KIF5C: variants seen among roughly 807,000 people sequenced by gnomAD.
The protein encoded by KIF5C is kinesin family member 5C, also known as kinesin heavy chain isoform 5C.
In KIF5C, 18 loss-of-function variants were observed where a neutral mutation model predicts 125.2. The observed-to-expected ratio is 0.14, with a 90% CI of 0.10 to 0.21. The LOEUF is 0.21. KIF5C is among the 10% of genes least tolerant of loss of function. KIF5C has a pLI of 1.00. For synonymous variants in KIF5C, 405 were observed against 434.0 expected (o/e 0.93, Z 0.83); for missense variants, 780 against 1,183.8 (o/e 0.66, Z 5.01).
chr2:148,878,488 A>G (rs1040272381), intron 1 of KIF5C: 1 of 152,222 alleles, frequency 6.6e-6, no homozygotes, highest in African/African-American at 2.4e-5. Context: ...TGGGGCTAAT[A>G]TGGCTAGTGC....
At chr2:148,971,278 G>GTCTC (rs1680894850) in intron 11 of KIF5C, among the ~76,000 whole-genome samples, 1 of 138,026 alleles carries the variant, frequency 7.2e-6, no homozygotes, top group Non-Finnish European at 1.6e-5. Flanking sequence ...CTGTCTGTCT[G>GTCTC]TCTGTCTGTC....
intron 17 of KIF5C, among the ~76,000 whole-genome samples, chr2:148,996,099 G>A (rs1031497429): frequency 2.0e-4 from 31 of 152,198 alleles, no homozygotes; most frequent in African/African-American, 7.2e-4. Context: ...AGGTTGTAAT[G>A]AGCCGATATC....
chr2:148,949,221 C>G (rs1682598058), intron 8 of KIF5C, among the ~76,000 whole-genome samples: 1 of 152,202 alleles, frequency 6.6e-6, no homozygotes, highest in Non-Finnish European at 1.5e-5. Flanking sequence ...CATGGTCCCT[C>G]TGGCTGCAGA....
Position 148,980,675 on chromosome 2 carries a change from CTTATTTATTTATTTAT to C in KIF5C, c.1363-650_1363-635del, listed in dbSNP as rs5835290. 1.1e-3 allele frequency among the ~76,000 whole-genome samples: 154 copies of C among 144,684 alleles called. 1 individual carries two copies. Among genetic ancestry groups the C allele is most frequent in the South Asian group, 4.9e-3 (22 of 4,490 alleles). The allele number at this position is 144,684 out of a possible 152,430, so 94.9% of individuals were successfully genotyped here. A position where few individuals can be genotyped will look rare whatever the true frequency, so the allele number is the denominator to read the frequency against. Reference sequence around the variant, plus strand: ...TTGGAAACGACTCTCAGATCCTTTGCTTATTTATTTATTTATTTATTTATTTATTTATTTATTTATT... The same window carrying C: ...TTGGAAACGACTCTCAGATCCTTTGCTTATTTATTTATTTATTTATTTATT... On this transcript the variant is annotated intron_variant, in intron 13 of 25. Coordinates refer to ENST00000435030, the MANE Select transcript of KIF5C (RefSeq NM_004522.3).
At chr2:148,949,763 C>A in intron 8 of KIF5C, 76 bp from the exon 9 acceptor site, 1 of 1,538,100 alleles carries the variant, frequency 6.5e-7, no homozygotes, top group Non-Finnish European at 8.8e-7. Flanking sequence ...CCCCTTTGCC[C>A]TCGTGTGAAT....
chr2:148,971,282 GTCTGTCTGTCTATCTATCTA>G (rs1323699416), intron 11 of KIF5C, among the ~76,000 whole-genome samples: 3 of 140,536 alleles, frequency 2.1e-5, no homozygotes, highest in African/African-American at 7.8e-5. Flanking sequence ...CTGTCTGTCT[GTCTGTCTGTCTATCTATCTA>G]TCTATCTATC....
chr2:148,914,994 T>C (rs550503578), intron 1 of KIF5C, among the ~76,000 whole-genome samples: 2 of 152,350 alleles, frequency 1.3e-5, no homozygotes, highest in South Asian at 4.1e-4. Flanking sequence ...TGGTGGTCAT[T>C]GCCAGGTATG....
chr2:148,896,256 C>A (rs558302502), intron 1 of KIF5C, among the ~76,000 whole-genome samples: 31 of 152,240 alleles, frequency 2.0e-4, no homozygotes, highest in Admixed American at 1.1e-3. Flanking sequence ...GCGAGCCCTC[C>A]TAGAGAGTGG....
intron 12 of KIF5C, among the ~76,000 whole-genome samples, chr2:148,976,038 C>A (rs919777320): frequency 1.3e-5 from 2 of 152,172 alleles, no homozygotes; most frequent in Non-Finnish European, 2.9e-5. Flanking sequence ...GCTGGCACTC[C>A]TTGTCTCTTA....
At chr2:148,917,136 T>A (rs527466231) in intron 1 of KIF5C, among the ~76,000 whole-genome samples, 35 of 152,352 alleles carry the variant, frequency 2.3e-4, no homozygotes, top group Non-Finnish European at 3.5e-4. Context: ...CTGCTTTTTT[T>A]AATTTTTTAT....
intron 7 of KIF5C, among the ~76,000 whole-genome samples, chr2:148,944,175 T>C (rs1028109198): frequency 6.6e-6 from 1 of 152,204 alleles, no homozygotes; most frequent in Non-Finnish European, 1.5e-5. Context: ...TAAAATATAC[T>C]TAATATGAAA....
chr2:148,907,227 C>T (rs921498372), intron 1 of KIF5C, among the ~76,000 whole-genome samples: 1 of 151,158 alleles, frequency 6.6e-6, no homozygotes, highest in Non-Finnish European at 1.5e-5. Flanking sequence ...AGAGAGCAGT[C>T]CCCTGACAGT....
intron 1 of KIF5C, among the ~76,000 whole-genome samples, chr2:148,910,688 T>C (rs887413937): frequency 1.3e-5 from 2 of 152,156 alleles, no homozygotes; most frequent in Admixed American, 6.5e-5. Flanking sequence ...ACTAGGGGGA[T>C]CATATACCAT....
chr2:148,987,177 C>G (rs973019202), intron 15 of KIF5C, among the ~76,000 whole-genome samples: 3 of 152,130 alleles, frequency 2.0e-5, no homozygotes, highest in African/African-American at 7.2e-5. Context: ...TAAACTTATT[C>G]AACAGGTTAC....
chr2:148,983,774 A>G lies in KIF5C; in HGVS notation c.1716+8A>G, dbSNP rs1225256851. ...ACCAATGATGTGAAAACTGTAAGCC[A>G]GCCCTTCTTTTATCCTCTCTACCTG... On this transcript the variant is annotated splice_region_variant and intron_variant, in intron 15 of 25. Transcript: ENST00000435030. 6.3e-7 allele frequency: 1 copy of G among 1,593,626 alleles called. No homozygotes were observed.
intron 2 of KIF5C, 36 bp downstream of exon 2, chr2:148,922,263 C>T: frequency 1.4e-6 from 2 of 1,390,348 alleles, no homozygotes; most frequent in South Asian, 2.4e-5. Context: ...CTGGGCCATT[C>T]AGAGTAATTG....
chr2:148,981,415 A>C lies in KIF5C; in HGVS notation c.1423A>C (p.Ile475Leu). The C allele has an allele frequency of 6.2e-7, 1 of 1,611,112 alleles. No homozygotes were observed. Among genetic ancestry groups the C allele is most frequent in the Non-Finnish European group, 8.5e-7 (1 of 1,178,744 alleles). Residue 475 changes from isoleucine to leucine, a missense_variant, in exon 14 of 26, where the codon ATT (isoleucine) becomes CTT (leucine). Ile to Leu is a conservative substitution (Grantham distance 5). This residue lies in a region of KIF5C where 573 missense variants were observed against 742.6 expected (regional missense o/e 0.77). Coordinates refer to ENST00000435030, the MANE Select transcript of KIF5C (RefSeq NM_004522.3). The stretch of plus-strand genomic sequence containing the variant: ...ACAGGAGGAGCTGACACGTCTCCAG[A>C]TTGAAAATGAGGCAGCCAAGGATGA... ...KIQEELTRLQIENEAAKDEVK... is the reference protein window; with the variant it reads ...KIQEELTRLQLENEAAKDEVK...
Position 149,010,582 on chromosome 2 carries a change from A to G in KIF5C, c.2767+231A>G, listed in dbSNP as rs1344855743. Reference sequence around the variant, plus strand: ...TATTCCAGCATACATCGTGGTCTCAAAACTTCTGAGCTGGGCAGAGAGAAG... The same window carrying G: ...TATTCCAGCATACATCGTGGTCTCAGAACTTCTGAGCTGGGCAGAGAGAAG... On this transcript the variant is annotated intron_variant, in intron 24 of 25. Coordinates refer to ENST00000435030, the MANE Select transcript of KIF5C (RefSeq NM_004522.3). Among the ~76,000 whole-genome samples, 3 of 152,250 alleles carry G rather than the reference A, an allele frequency of 2.0e-5. No homozygotes were observed. In the East Asian group the frequency reaches 5.8e-4, roughly 29 times the overall value.
chr2:148,913,493 C>T (rs1681422797), intron 1 of KIF5C, among the ~76,000 whole-genome samples: 1 of 152,188 alleles, frequency 6.6e-6, no homozygotes, highest in Non-Finnish European at 1.5e-5. Context: ...AAAAAGTTAA[C>T]AAATGTTAAT....
Sources: allele counts gnomAD v4.1 joint callset (sites outside exome capture counted in the v4.1 genomes callset), GRCh38; gene constraint gnomAD v4.1.1; regional missense constraint gnomAD v4.1.1; transcripts MANE v1.5; gene names NCBI Gene and HGNC (gene_info 2026-07-23, HGNC 2026-07-21).